The following NFASC variants were observed in gnomAD, a reference collection of about 807,000 sequenced individuals.
The protein encoded by NFASC is neurofascin homolog.
A neutral mutation model predicts 147.5 loss-of-function variants in NFASC; 43 were observed. That is an observed-to-expected ratio of 0.29 (90% CI 0.23 to 0.38). NFASC has a LOEUF of 0.38. Ranked by LOEUF, NFASC falls within the 10% of genes least tolerant of loss-of-function variation. The pLI, the probability that NFASC is intolerant of heterozygous loss-of-function variation, is 1.00. For missense variants in NFASC, 1,320 were observed against 1,689.0 expected (o/e 0.78, Z 3.83); for synonymous variants, 622 against 665.5 (o/e 0.93, Z 1.01).
chr1:204,973,391 G>C lies in NFASC; in HGVS notation c.1251G>C (p.Leu417=). ...ACACCTCCAACGAGCATGGCTACCTGCTGGCCAACGCCTTTGTCAGTGTGC... is the reference window on the plus strand; with the variant it reads ...ACACCTCCAACGAGCATGGCTACCTCCTGGCCAACGCCTTTGTCAGTGTGC... ...QCNTSNEHGY[L]LANAFVSVLD... The change falls in exon 12 of 30, where the codon CTG becomes CTC. Residue 417 remains leucine, a synonymous_variant. Transcript: ENST00000339876. 1 of 1,614,254 alleles carries C rather than the reference G, an allele frequency of 6.2e-7. No homozygotes were observed. The highest frequency in any genetic ancestry group is 8.5e-7 in the Non-Finnish European group (1 of 1,180,052).
chr1:204,881,794 A>C (rs896964045), intron 1 of NFASC, among the ~76,000 whole-genome samples: 3 of 152,168 alleles, frequency 2.0e-5, no homozygotes, highest in Non-Finnish European at 4.4e-5. Context: ...CTACCTCGGC[A>C]CTTCCTTATA....
intron 28 of NFASC, 117 bp from the exon 29 acceptor site, chr1:205,012,675 TAAAAA>T (rs1352135680): frequency 1.3e-6 from 1 of 776,768 alleles, no homozygotes; most frequent in African/African-American, 1.7e-5. Context: ...GGTGCCTTGT[TAAAAA>T]AGAGTGTCAG....
chr1:204,871,974 T>C (rs1234780484), intron 1 of NFASC, among the ~76,000 whole-genome samples: 8 of 152,256 alleles, frequency 5.3e-5, no homozygotes, highest in Admixed American at 5.2e-4. Context: ...CAGTCTGTCT[T>C]GTCCTTTGGG....
Position 205,001,176 on chromosome 1 carries a change from A to C in NFASC, c.3026A>C (p.Asp1009Ala), listed in dbSNP as rs774030280. Reference protein sequence around the residue: ...SGTKIHESAPDEQSIWNVTVL... With the variant: ...SGTKIHESAPAEQSIWNVTVL... ...TTTCTAACCCGTCCACCAGCCCCTGATGAGCAGTCCATATGGAACGTCACG... is the reference window on the plus strand; with the variant it reads ...TTTCTAACCCGTCCACCAGCCCCTGCTGAGCAGTCCATATGGAACGTCACG... The change falls in exon 26 of 30, where the codon GAT (aspartate) becomes GCT (alanine). Residue 1009 changes from aspartate to alanine, a missense_variant. Physicochemically the swap from Asp to Ala is moderately radical, Grantham distance 126. This residue lies in a region of NFASC where 172 missense variants were observed against 165.8 expected (regional missense o/e 1.04). Coordinates refer to ENST00000339876, the MANE Select transcript of NFASC (RefSeq NM_001005388.3). 6 of 1,605,784 alleles carry C rather than the reference A, an allele frequency of 3.7e-6. No individual in the cohort carries two copies. In the African/African-American group the frequency reaches 8.0e-5, roughly 21 times the overall value.
intron 21 of NFASC, among the ~76,000 whole-genome samples, chr1:204,982,390 A>G (rs2095525724): frequency 6.6e-6 from 1 of 152,220 alleles, no homozygotes; most frequent in Non-Finnish European, 1.5e-5. Flanking sequence ...CCATACTAGT[A>G]CCAAGAAAAA....
chr1:204,999,283 C>G (rs149767312), intron 25 of NFASC: 2 of 152,282 alleles, frequency 1.3e-5, no homozygotes, highest in East Asian at 3.9e-4. Context: ...ATCCTGATCT[C>G]TCTGTGGCAA....
chr1:204,840,489 G>A (rs1675004826), intron 1 of NFASC, among the ~76,000 whole-genome samples: 1 of 152,224 alleles, frequency 6.6e-6, no homozygotes, highest in Non-Finnish European at 1.5e-5. Context: ...TAAGTGGCTT[G>A]AAGTCAGAGA....
intron 1 of NFASC, among the ~76,000 whole-genome samples, chr1:204,839,721 G>A (rs1285380156): frequency 6.6e-6 from 1 of 152,216 alleles, no homozygotes; most frequent in African/African-American, 2.4e-5. Flanking sequence ...TTGGGGAAGA[G>A]GGCTGTGGAA....
Position 204,968,803 on chromosome 1 carries a change from C to T in NFASC, c.824C>T (p.Thr275Ile), listed in dbSNP as rs777027249. 24 of 1,612,414 alleles carry T rather than the reference C, an allele frequency of 1.5e-5. No homozygotes were observed. The highest frequency in any genetic ancestry group is 2.0e-5 in the Non-Finnish European group (24 of 1,179,488). The change falls in exon 10 of 30, where the codon ACA becomes ATA. Residue 275 changes from threonine to isoleucine, a missense_variant. By Grantham distance (89) the Thr-to-Ile change is moderately conservative (BLOSUM62 -1). Coordinates refer to ENST00000339876, the MANE Select transcript of NFASC (RefSeq NM_001005388.3). This position sits in a 1 kb window ranked among gnomAD's most constrained non-coding sequence, Gnocchi z 5.4. ...LLECIASGVP[T>I]PDIAWYKKGG... The stretch of plus-strand genomic sequence containing the variant: ...CTGCTTGGCGCCTCTCCTAGCCCAA[C>T]ACCAGACATCGCATGGTACAAGAAA...
intron 27 of NFASC, 96 bp from the exon 28 acceptor site, chr1:205,009,461 T>G (rs1293281414): frequency 7.4e-7 from 1 of 1,343,112 alleles, no homozygotes; most frequent in Non-Finnish European, 1.1e-6. Context: ...AGGAGAAACA[T>G]CCACATGAGA....
In NFASC at chr1:204,974,293, A is replaced by G. The variant is rs751377168; in HGVS notation, c.1391+3A>G. 2.5e-6 allele frequency: 4 copies of G among 1,610,170 alleles called. No homozygotes were observed. The highest frequency in any genetic ancestry group is 2.5e-6 in the Non-Finnish European group (3 of 1,176,624). On this transcript the variant is annotated splice_donor_region_variant and intron_variant, in intron 13 of 29. Coordinates refer to ENST00000339876, the MANE Select transcript of NFASC (RefSeq NM_001005388.3). Reference sequence around the variant, plus strand: ...TCTCCCATCCCCACACTGCGATGGTAAGTTCCAGGAGATCAGGCCTTCCAC... The same window carrying G: ...TCTCCCATCCCCACACTGCGATGGTGAGTTCCAGGAGATCAGGCCTTCCAC...
rs1034208126 is a variant in NFASC, at chr1:205,014,227, C to A, written c.3491+1361C>A. ...AGCTGTCAGGCAAAAACCCCTGCCTCCTCCCCGCAGACACTGACCCTGGGT... is the reference window on the plus strand; with the variant it reads ...AGCTGTCAGGCAAAAACCCCTGCCTACTCCCCGCAGACACTGACCCTGGGT... On this transcript the variant is annotated intron_variant, in intron 29 of 29. Coordinates refer to ENST00000339876, the MANE Select transcript of NFASC (RefSeq NM_001005388.3). 2.0e-4 allele frequency among the ~76,000 whole-genome samples: 31 copies of A among 152,272 alleles called. 1 individual carries two copies. Among genetic ancestry groups the A allele is most frequent in the African/African-American group, 7.5e-4 (31 of 41,542 alleles).
chr1:204,958,406 G>T (rs2094520053), intron 8 of NFASC, among the ~76,000 whole-genome samples: 1 of 152,192 alleles, frequency 6.6e-6, no homozygotes, highest in African/African-American at 2.4e-5. Flanking sequence ...GCTTATGTTT[G>T]AGTTTTATTT....
intron 24 of NFASC, among the ~76,000 whole-genome samples, chr1:204,996,846 A>C (rs2095854850): frequency 6.6e-6 from 1 of 152,086 alleles, no homozygotes; most frequent in Non-Finnish European, 1.5e-5. Context: ...GCTCCATGCC[A>C]TCCCTGGGGT....
Position 205,016,343 on chromosome 1 carries a change from C to T in NFASC, c.3527C>T (p.Thr1176Ile), listed in dbSNP as rs1348003149. 1 of 1,613,860 alleles carries T rather than the reference C, an allele frequency of 6.2e-7. No individual in the cohort carries two copies. The highest frequency in any genetic ancestry group is 1.3e-5 in the African/African-American group (1 of 74,906). Reference protein sequence around the residue: ...EDNKPLQGSQTSLDGTIKQQE... With the variant: ...EDNKPLQGSQISLDGTIKQQE... ...AACAAGCCCCTGCAGGGCAGTCAGA[C>T]ATCTCTGGACGGCACCATCAAGCAG... Residue 1176 changes from threonine to isoleucine, a missense_variant, in exon 30 of 30, where the codon ACA becomes ATA. Physicochemically the swap from Thr to Ile is moderately conservative, Grantham distance 89 (BLOSUM62 -1). Around this residue, in one of 3 missense-constraint regions of NFASC, gnomAD observed 167 missense variants for 233.8 expected, o/e 0.71. Coordinates refer to ENST00000339876, the MANE Select transcript of NFASC (RefSeq NM_001005388.3). This position sits in a 1 kb window ranked among gnomAD's most constrained non-coding sequence, Gnocchi z 5.1.
chr1:204,882,841 G>A (rs1195877452), intron 1 of NFASC, among the ~76,000 whole-genome samples: 2 of 152,132 alleles, frequency 1.3e-5, no homozygotes, highest in East Asian at 1.9e-4. Context: ...ATTGAAAGAT[G>A]TTTTTCATAA....
Position 205,002,811 on chromosome 1 carries a change from C to T in NFASC, c.3289+63C>T, listed in dbSNP as rs2096018816. On this transcript the variant is annotated intron_variant, in intron 27 of 29. Transcript: ENST00000339876. ...TGGGGCATTTCATTCTCATCCTCAG[C>T]TTCCTGCTTGCCTCTCTCCTCGGAA... 7.8e-6 allele frequency: 10 copies of T among 1,277,708 alleles called. No homozygotes were observed. The South Asian group carries it at 1.6e-4, about 20-fold the overall frequency. 79.1% of individuals were successfully genotyped at this position (1,277,708 alleles called of 1,614,324 possible). A position where few individuals can be genotyped will look rare whatever the true frequency, so the allele number is the denominator to read the frequency against.
chr1:204,863,573 G>A (rs1384028576), intron 1 of NFASC, among the ~76,000 whole-genome samples: 1 of 152,178 alleles, frequency 6.6e-6, no homozygotes, highest in Non-Finnish European at 1.5e-5. Context: ...TAACCAGCCA[G>A]GCGCAGTGGC....
intron 1 of NFASC, among the ~76,000 whole-genome samples, chr1:204,850,540 A>G (rs529460960): frequency 4.6e-5 from 7 of 152,300 alleles, no homozygotes; most frequent in South Asian, 2.1e-4. Context: ...GTGGGAGGTG[A>G]TTGAATCATG....
Sources: gnomAD v4.1 joint callset for allele counts (sites outside exome capture counted in the v4.1 genomes callset) on GRCh38, gnomAD v4.1.1 for gene constraint, gnomAD v4.1.1 regional missense constraint, Gnocchi (gnomAD v3.1) non-coding constraint, MANE v1.5 for transcripts, NCBI Gene and HGNC (gene_info 2026-07-23, HGNC 2026-07-21) for gene names.